The following ZBTB20 variants were observed in gnomAD, a reference collection of about 807,000 sequenced individuals.
ZBTB20 encodes the protein zinc finger and BTB domain-containing protein 20.
Under a neutral mutation model 56.9 loss-of-function variants are expected in ZBTB20, and 9 were observed. That is an observed-to-expected ratio of 0.16 (90% CI 0.10 to 0.28). ZBTB20 has a LOEUF of 0.28. ZBTB20 is among the 10% of genes least tolerant of loss of function. The pLI, the probability that ZBTB20 is intolerant of heterozygous loss-of-function variation, is 1.00. For missense variants in ZBTB20, 655 were observed against 1,003.0 expected, an observed-to-expected ratio of 0.65 and a Z score of 4.69; for synonymous variants, 417 against 420.7, an observed-to-expected ratio of 0.99 and a Z score of 0.11.
intron 7 of ZBTB20, among the ~76,000 whole-genome samples, chr3:114,489,529 T>C (rs1204816816): frequency 6.6e-6 from 1 of 152,112 alleles, no homozygotes; most frequent in African/African-American, 2.4e-5. Flanking sequence ...TTATATAATA[T>C]TGAATTAAAA....
chr3:114,399,736 T>C (rs2086653794), intron 7 of ZBTB20, among the ~76,000 whole-genome samples: 1 of 152,136 alleles, frequency 6.6e-6, no homozygotes, highest in Non-Finnish European at 1.5e-5. Flanking sequence ...TGCAATAAAG[T>C]ATCTGAGTTT....
chr3:114,833,196 A>G (rs934159304), intron 4 of ZBTB20, among the ~76,000 whole-genome samples: 4 of 152,148 alleles, frequency 2.6e-5, no homozygotes, highest in Admixed American at 1.3e-4. Flanking sequence ...GATTTATTGA[A>G]AAGTTATTAC....
intron 6 of ZBTB20, among the ~76,000 whole-genome samples, chr3:114,692,636 C>T (rs75195376): frequency 0.057 from 8,628 of 152,194 alleles, 334 homozygotes; most frequent in Middle Eastern, 0.14. Flanking sequence ...CTCTCCAGTA[C>T]AGTTGCCAGT....
chr3:114,671,368 A>AT (rs71616317), intron 6 of ZBTB20, among the ~76,000 whole-genome samples: 1 of 152,038 alleles, frequency 6.6e-6, no homozygotes, highest in Non-Finnish European at 1.5e-5. Context: ...ATAATTTTGT[A>AT]TTCTTTTTCT....
intron 6 of ZBTB20, among the ~76,000 whole-genome samples, chr3:114,673,406 C>T (rs2061461417): frequency 6.6e-6 from 1 of 152,032 alleles, no homozygotes; most frequent in African/African-American, 2.4e-5. Context: ...GAGGAAAGTG[C>T]TATATAAATG....
intron 4 of ZBTB20, among the ~76,000 whole-genome samples, chr3:114,875,244 A>G (rs2076150812): frequency 6.6e-6 from 1 of 152,186 alleles, no homozygotes; most frequent in Non-Finnish European, 1.5e-5. Flanking sequence ...AAAAGAAATA[A>G]TAATAATAAC....
intron 5 of ZBTB20, among the ~76,000 whole-genome samples, chr3:114,767,906 C>T (rs991921582): frequency 2.6e-5 from 4 of 152,020 alleles, no homozygotes; most frequent in Non-Finnish European, 5.9e-5. Flanking sequence ...ACTTATCAAC[C>T]TTCTCTCCAA....
At chr3:114,564,901 T>C (rs1264742526) in intron 6 of ZBTB20, among the ~76,000 whole-genome samples, 1 of 152,220 alleles carries the variant, frequency 6.6e-6, no homozygotes, top group African/African-American at 2.4e-5. Flanking sequence ...AATTCCCTTA[T>C]GTCACGCCTT....
At position 114,325,036 on chromosome 3, in the gene ZBTB20, T is replaced by A. The variant is rs932518494; in HGVS notation, c.*13969A>T. The A allele has an allele frequency of 6.6e-6, 1 of 152,208 alleles. No individual in the cohort carries two copies. Among genetic ancestry groups the A allele is most frequent in the African/African-American group, 2.4e-5 (1 of 41,446 alleles). 9.4% of individuals were successfully genotyped at this position (152,208 alleles called of 1,614,324 possible). A position where few individuals can be genotyped will look rare whatever the true frequency, so the allele number is the denominator to read the frequency against. Reference sequence around the variant, plus strand: ...GTTACCATAGATTTTCTCTATCATATCAGCTTCTCACCTTTGTTTGCCATG... The same window carrying A: ...GTTACCATAGATTTTCTCTATCATAACAGCTTCTCACCTTTGTTTGCCATG... On this transcript the variant is annotated 3_prime_UTR_variant, in exon 12 of 12. Coordinates refer to ENST00000675478, the MANE Select transcript of ZBTB20 (RefSeq NM_001348800.3).
intron 7 of ZBTB20, among the ~76,000 whole-genome samples, chr3:114,489,391 G>A (rs2042486486): frequency 1.3e-5 from 2 of 152,126 alleles, no homozygotes; most frequent in South Asian, 4.1e-4. Flanking sequence ...AAAATTTCAA[G>A]TAGTGAATAT....
At chr3:115,041,656 G>C (rs1009393138) in intron 2 of ZBTB20, among the ~76,000 whole-genome samples, 2 of 152,116 alleles carry the variant, frequency 1.3e-5, no homozygotes, top group African/African-American at 4.8e-5. Context: ...CATTGGAGAA[G>C]CTCTATATAT....
intron 10 of ZBTB20, among the ~76,000 whole-genome samples, chr3:114,352,453 G>T (rs1017261163): frequency 6.6e-6 from 1 of 152,130 alleles, no homozygotes; most frequent in African/African-American, 2.4e-5. Flanking sequence ...CCCACACCAT[G>T]TATGCAAAAA....
chr3:114,867,103 G>A (rs1056915936), intron 4 of ZBTB20, among the ~76,000 whole-genome samples: 1 of 152,156 alleles, frequency 6.6e-6, no homozygotes, highest in African/African-American at 2.4e-5. Flanking sequence ...CCTTCAGTAA[G>A]AGCAAAGATA....
intron 4 of ZBTB20, among the ~76,000 whole-genome samples, chr3:114,820,552 A>G (rs912296305): frequency 5.3e-5 from 8 of 152,216 alleles, no homozygotes; most frequent in African/African-American, 1.4e-4. Context: ...ACAAGTGTAC[A>G]TTACCTTTTA....
intron 4 of ZBTB20, among the ~76,000 whole-genome samples, chr3:114,860,379 G>A (rs186690999): frequency 1.3e-5 from 2 of 152,078 alleles, no homozygotes; most frequent in East Asian, 3.9e-4. Flanking sequence ...ATTTGCTATA[G>A]GCCTTCATGG....
intron 4 of ZBTB20, among the ~76,000 whole-genome samples, chr3:114,812,689 T>C (rs1443722938): frequency 6.6e-6 from 1 of 152,178 alleles, no homozygotes; most frequent in Non-Finnish European, 1.5e-5. Flanking sequence ...TCCGTCGCCG[T>C]GGGCCCGCAC....
At chr3:114,854,191 T>C (rs2075136058) in intron 4 of ZBTB20, among the ~76,000 whole-genome samples, 1 of 152,214 alleles carries the variant, frequency 6.6e-6, no homozygotes, top group African/African-American at 2.4e-5. Context: ...TCTTGCAATA[T>C]AAGTTTTCTG....
intron 6 of ZBTB20, among the ~76,000 whole-genome samples, chr3:114,538,239 T>C (rs989225976): frequency 3.3e-5 from 5 of 152,198 alleles, no homozygotes; most frequent in African/African-American, 1.2e-4. Flanking sequence ...TTATTTTAAG[T>C]GTTACATTTT....
At chr3:114,769,976 T>C (rs895815057) in intron 5 of ZBTB20, among the ~76,000 whole-genome samples, 2 of 151,918 alleles carry the variant, frequency 1.3e-5, no homozygotes, top group South Asian at 2.1e-4. Flanking sequence ...GGAGAATCAC[T>C]TTAACCTGGA....
Sources: allele counts gnomAD v4.1 joint callset (sites outside exome capture counted in the v4.1 genomes callset), GRCh38; gene constraint gnomAD v4.1.1; transcripts MANE v1.5; gene names NCBI Gene and HGNC (gene_info 2026-07-23, HGNC 2026-07-21).